The following YJU2B variants were observed in gnomAD, a reference collection of about 807,000 sequenced individuals.
The protein encoded by YJU2B is probable splicing factor YJU2B.
A neutral mutation model predicts 38.0 loss-of-function variants in YJU2B; 18 were observed. The ratio of observed to expected loss-of-function variants is 0.47; its 90% CI spans 0.33 to 0.70. The LOEUF is 0.70. Ranked by LOEUF, YJU2B falls within the 30% of genes least tolerant of loss-of-function variation. The pLI, the probability that YJU2B is intolerant of heterozygous loss-of-function variation, is 0.02. For synonymous variants in YJU2B, 246 were observed against 225.4 expected (o/e 1.09, Z -0.82); for missense variants, 538 against 556.3 (o/e 0.97, Z 0.33).
chr19:13,754,457 C>A, intron 3 of YJU2B, 115 bp downstream of exon 3: 1 of 854,840 alleles, frequency 1.2e-6, no homozygotes, highest in South Asian at 1.4e-5. Flanking sequence ...TTTTTGTCTT[C>A]TGCATGTCAC....
chr19:13,762,868 A>G lies in YJU2B; in HGVS notation c.991A>G (p.Met331Val), dbSNP rs769195279. ...VPEEAAQDRPMSPGDCPPETT... is the reference protein window; with the variant it reads ...VPEEAAQDRPVSPGDCPPETT... The stretch of plus-strand genomic sequence containing the variant: ...AGAGGAGGCTGCCCAGGACCGGCCC[A>G]TGTCCCCCGGAGACTGTCCTCCGGA... Residue 331 changes from methionine (M) to valine (V), a missense_variant, in exon 10 of 10, where the codon ATG (methionine) becomes GTG (valine). Physicochemically the swap from Met to Val is conservative, Grantham distance 21. Around this residue, in one of 2 missense-constraint regions of YJU2B, gnomAD observed 488 missense variants for 469.5 expected, o/e 1.04. Coordinates refer to ENST00000221554, the MANE Select transcript of YJU2B (RefSeq NM_030818.4). 6.8e-6 allele frequency: 11 copies of G among 1,609,408 alleles called. No individual in the cohort carries two copies. Among genetic ancestry groups the G allele is most frequent in the Middle Eastern group, 1.6e-4 (1 of 6,072 alleles).
chr19:13,747,880 A>T (rs1215169375), upstream of YJU2B: 1 of 152,198 alleles, frequency 6.6e-6, no homozygotes, highest in African/African-American at 2.4e-5. Context: ...GGGCGCGGAG[A>T]GGGCGCCCAG....
chr19:13,753,435 G>A (rs1026003349), intron 2 of YJU2B, among the ~76,000 whole-genome samples: 7 of 152,200 alleles, frequency 4.6e-5, no homozygotes, highest in East Asian at 1.9e-4. Flanking sequence ...TTAGCTGGGC[G>A]TAGTGGCACA....
At chr19:13,759,918 C>CTCCTGAG (rs1973825324) in intron 8 of YJU2B, among the ~76,000 whole-genome samples, 1 of 151,988 alleles carries the variant, frequency 6.6e-6, no homozygotes, top group African/African-American at 2.4e-5. Flanking sequence ...CTGCCTCAGC[C>CTCCTGAG]TCCTGAGTAG....
At chr19:13,736,835 C>G (rs1599487856) in intron 2 of YJU2B, among the ~76,000 whole-genome samples, 1 of 151,662 alleles carries the variant, frequency 6.6e-6, no homozygotes, top group Non-Finnish European at 1.5e-5. Context: ...AGTTCGAGAC[C>G]AGCCTGGCCA....
intron 3 of YJU2B, 57 bp downstream of exon 3, chr19:13,754,399 C>G (rs1973586133): frequency 2.1e-6 from 3 of 1,437,114 alleles, no homozygotes; most frequent in Non-Finnish European, 2.9e-6. Flanking sequence ...GTCATCCCCT[C>G]TTGGGGTTAG....
At position 13,762,901 on chromosome 19, in the gene YJU2B, GAGA is replaced by G; in HGVS notation, c.1025_1027del (p.Glu342_Thr343delinsAla). The G allele has an allele frequency of 6.2e-7, 1 of 1,611,712 alleles. No homozygotes were observed. The highest frequency in any genetic ancestry group is 1.1e-5 in the South Asian group (1 of 90,932). ...CGGAGACTGTCCTCCGGAAACAACT[GAGA>G]CCCCCAAGTGCAGCAGCCCGAGGGG... On this transcript the variant is annotated inframe_deletion, in exon 10 of 10. Transcript: ENST00000221554.
intron 1 of YJU2B, among the ~76,000 whole-genome samples, chr19:13,749,632 C>CTTTTTT (rs71170557): frequency 2.3e-5 from 3 of 130,338 alleles, no homozygotes; most frequent in East Asian, 2.2e-4. Flanking sequence ...GAACTTCTTT[C>CTTTTTT]TTTTTTTTTT....
intron 1 of YJU2B, among the ~76,000 whole-genome samples, chr19:13,750,173 A>G (rs1471796686): frequency 6.6e-6 from 1 of 152,180 alleles, no homozygotes; most frequent in Non-Finnish European, 1.5e-5. Context: ...TGATATGATC[A>G]GAATTCCAGG....
At chr19:13,752,195 T>A (rs1233730356) in intron 2 of YJU2B, among the ~76,000 whole-genome samples, 1 of 151,856 alleles carries the variant, frequency 6.6e-6, no homozygotes, top group Admixed American at 6.6e-5. Flanking sequence ...CCTCAAGTGA[T>A]CCACTACACT....
At chr19:13,745,744 G>GAT (rs1187936353), upstream of YJU2B, among the ~76,000 whole-genome samples, 130 of 80,900 alleles carry the variant, frequency 1.6e-3, 2 homozygotes, top group African/African-American at 4.9e-3. Flanking sequence ...TATATATATA[G>GAT]ATATATATAT....
Position 13,749,781 on chromosome 19 carries a change from C to T in YJU2B, c.-202+1827C>T, listed in dbSNP as rs577523997. ...CCGAGTAGCTGGGACTACAGGCACC[C>T]GCCACCACGCCCAGCTAATTTTTTG... On this transcript the variant is annotated intron_variant, in intron 1 of 9. Coordinates refer to ENST00000221554, the MANE Select transcript of YJU2B (RefSeq NM_030818.4). Among the ~76,000 whole-genome samples the T allele has an allele frequency of 3.8e-3, 578 of 152,064 alleles. 5 individuals carry two copies. The highest frequency in any genetic ancestry group is 0.01 in the Middle Eastern group (3 of 294).
rs148655062 is a variant in YJU2B, at chr19:13,762,319, G to A, written c.594G>A (p.Gln198=). Residue 198 remains glutamine (Q), a synonymous_variant, in exon 9 of 10, where the codon CAG becomes CAA. Coordinates refer to ENST00000221554, the MANE Select transcript of YJU2B (RefSeq NM_030818.4). The part of the protein sequence containing the change: ...RRFREKKKAI[Q]EEEERDQALQ... ...CACAGGAAAAGAAAAAAGCCATCCA[G>A]GAGGAGGAGGAGAGAGACCAGGCCT... The A allele has an allele frequency of 3.3e-5, 54 of 1,612,488 alleles. 1 individual carries two copies. In the African/African-American group the frequency reaches 6.3e-4, roughly 19 times the overall value.
In YJU2B at chr19:13,758,826, A is replaced by G. The variant is rs892799949; in HGVS notation, c.258-42A>G. On this transcript the variant is annotated intron_variant, in intron 6 of 9. Coordinates refer to ENST00000221554, the MANE Select transcript of YJU2B (RefSeq NM_030818.4). The stretch of plus-strand genomic sequence containing the variant: ...AGAGGCGACAGGGCTGTCCTGGTGC[A>G]CAGCCACAGCCTCCTGACTCCTGCC... 7.5e-6 allele frequency: 12 copies of G among 1,610,410 alleles called. No homozygotes were observed. In the Admixed American group the frequency reaches 1.5e-4, roughly 20 times the overall value.
At chr19:13,745,225 T>C (rs1973199442), upstream of YJU2B, among the ~76,000 whole-genome samples, 1 of 152,176 alleles carries the variant, frequency 6.6e-6, no homozygotes, top group African/African-American at 2.4e-5. Context: ...TATGAGATTA[T>C]GCATGTGTGA....
chr19:13,751,690 C>T lies in YJU2B; in HGVS notation c.-119C>T. 2.7e-6 allele frequency: 3 copies of T among 1,091,720 alleles called. No homozygotes were observed. The highest frequency in any genetic ancestry group is 1.8e-5 in the Admixed American group (1 of 54,886). 67.6% of individuals were successfully genotyped at this position (1,091,720 alleles called of 1,614,324 possible). A position where few individuals can be genotyped will look rare whatever the true frequency, so the allele number is the denominator to read the frequency against. On this transcript the variant is annotated 5_prime_UTR_variant, in exon 2 of 10. Transcript: ENST00000221554. ...CACCACACGGCCCACGACATCTTCG[C>T]AGGGAAGCCTGTGGACCCTCTGCCA...
chr19:13,756,387 A>T, intron 4 of YJU2B, 108 bp downstream of exon 4: 3 of 810,474 alleles, frequency 3.7e-6, no homozygotes, highest in South Asian at 2.8e-5. Flanking sequence ...TTCATTCCAT[A>T]AAGCAGAAAG....
intron 2 of YJU2B, among the ~76,000 whole-genome samples, chr19:13,737,039 A>AG (rs1555698724): frequency 2.0e-3 from 301 of 149,224 alleles, no homozygotes; most frequent in African/African-American, 7.3e-3. Context: ...AAAAAAAAAA[A>AG]AAAGAAAAAA....
At chr19:13,755,471 A>T (rs76908846) in intron 3 of YJU2B, among the ~76,000 whole-genome samples, 52,112 of 150,718 alleles carry the variant, frequency 0.35, 9,278 homozygotes, top group East Asian at 0.48. Context: ...AAAAAAAAAA[A>T]AAAAAAATAA....
Sources: gnomAD v4.1 joint callset for allele counts (sites outside exome capture counted in the v4.1 genomes callset) on GRCh38, gnomAD v4.1.1 for gene constraint, gnomAD v4.1.1 regional missense constraint, MANE v1.5 for transcripts, NCBI Gene and HGNC (gene_info 2026-07-23, HGNC 2026-07-21) for gene names.